EIF5: variants seen among roughly 807,000 people sequenced by gnomAD.
EIF5 encodes the protein eukaryotic translation initiation factor 5.
Under a neutral mutation model 48.3 loss-of-function variants are expected in EIF5, and 10 were observed. The observed-to-expected ratio is 0.21, with a 90% CI of 0.13 to 0.35. EIF5 has a LOEUF of 0.35. Ranked by LOEUF, EIF5 falls within the 10% of genes least tolerant of loss-of-function variation. EIF5 has a pLI of 1.00. For missense variants in EIF5, 397 were observed against 533.2 expected (o/e 0.74, Z 2.51); for synonymous variants, 237 against 173.1 (o/e 1.37, Z -2.90).
rs1450962668 is a variant in EIF5, at chr14:103,339,775, A to AAGAGGTCATC, written c.1045_1054dup (p.Ile352ArgfsTer12). ...ATGTACGATGCAGACCTTTTAGAAG[A>AAGAGGTCATC]AGAGGTCATCATCAGCTGGTCGGAA... On this transcript the variant is annotated frameshift_variant, in exon 10 of 12. Transcript: ENST00000216554. LOFTEE classifies it high-confidence loss of function. The AAGAGGTCATC allele has an allele frequency of 6.2e-7, 1 of 1,614,068 alleles. No individual in the cohort carries two copies. The highest frequency in any genetic ancestry group is 1.3e-5 in the African/African-American group (1 of 74,934).
chr14:103,342,618 G>A lies in EIF5; in HGVS notation c.*1566G>A, dbSNP rs1595366838. The A allele has an allele frequency of 6.6e-6, 1 of 152,664 alleles. No homozygotes were observed. Among genetic ancestry groups the A allele is most frequent in the East Asian group, 1.9e-4 (1 of 5,188 alleles). The allele number at this position is 152,664 out of a possible 1,614,324, so 9.5% of individuals were successfully genotyped here. ...CATTGAAATGATAGAAACATTTGAT[G>A]TAATAAAACTTGGTTGGCTTGATAT... On this transcript the variant is annotated 3_prime_UTR_variant, in exon 12 of 12. Transcript: ENST00000216554.
At chr14:103,338,294 G>C (rs776223420) in intron 6 of EIF5, 33 bp from the exon 7 acceptor site, 3 of 1,605,252 alleles carry the variant, frequency 1.9e-6, no homozygotes, top group Non-Finnish European at 2.6e-6. Context: ...GTAAGTTATG[G>C]GGTTAAATTT....
intron 11 of EIF5, 23 bp from the exon 12 acceptor site, chr14:103,340,940 A>G (rs1395980304): frequency 6.2e-7 from 1 of 1,607,620 alleles, no homozygotes; most frequent in South Asian, 1.1e-5. Context: ...GCTTATGTTG[A>G]ATAAAATCAT....
At chr14:103,338,689 G>C in intron 7 of EIF5, 46 bp from the exon 8 acceptor site, 1 of 1,586,848 alleles carries the variant, frequency 6.3e-7, no homozygotes, top group Non-Finnish European at 8.6e-7. Context: ...CCTTTTTGTT[G>C]TTGTTTTTAA....
intron 9 of EIF5, 131 bp from the exon 10 acceptor site, chr14:103,339,508 T>A: frequency 2.1e-6 from 3 of 1,436,820 alleles, no homozygotes; most frequent in Non-Finnish European, 2.9e-6. Flanking sequence ...GTAACAGGGA[T>A]GTTTATGCAT....
intron 6 of EIF5, 144 bp from the exon 7 acceptor site, chr14:103,338,183 G>A (rs2089311959): frequency 6.2e-6 from 7 of 1,124,378 alleles, no homozygotes; most frequent in Non-Finnish European, 9.0e-6. Context: ...GATCTGTGAA[G>A]CCTCTTAGGT....
Position 103,343,106 on chromosome 14 carries a change from A to T in EIF5, c.*2054A>T, listed in dbSNP as rs1478674371. On this transcript the variant is annotated 3_prime_UTR_variant, in exon 12 of 12. Coordinates refer to ENST00000216554, the MANE Select transcript of EIF5 (RefSeq NM_001969.5). Reference sequence around the variant, plus strand: ...ATAGAGTAATTCTTCACTTTGCTCTATTGAACTGTCTTAAGGATTTGTTTA... The same window carrying T: ...ATAGAGTAATTCTTCACTTTGCTCTTTTGAACTGTCTTAAGGATTTGTTTA... 6.6e-6 allele frequency: 1 copy of T among 152,618 alleles called. No homozygotes were observed. Among genetic ancestry groups the T allele is most frequent in the Non-Finnish European group, 1.5e-5 (1 of 68,002 alleles). 9.5% of individuals were successfully genotyped at this position (152,618 alleles called of 1,614,324 possible).
chr14:103,341,105 TATC>T lies in EIF5; in HGVS notation c.*55_*57del, dbSNP rs1406165818. The T allele has an allele frequency of 3.8e-6, 6 of 1,559,364 alleles. No homozygotes were observed. Among genetic ancestry groups the T allele is most frequent in the Non-Finnish European group, 4.4e-6 (5 of 1,131,518 alleles). ...TATAATGCTGCAAATTTTCCTCCAT[TATC>T]AGCCAGAAGTGCAACATGTATGTGC... On this transcript the variant is annotated 3_prime_UTR_variant, in exon 12 of 12. Transcript: ENST00000216554.
In EIF5 at chr14:103,334,432, C is replaced by T. The variant is rs1458494128; in HGVS notation, c.-374C>T. 2 of 152,616 alleles carry T rather than the reference C, an allele frequency of 1.3e-5. No individual in the cohort carries two copies. Among genetic ancestry groups the T allele is most frequent in the Non-Finnish European group, 2.9e-5 (2 of 68,136 alleles). The allele number at this position is 152,616 out of a possible 1,614,324, so 9.5% of individuals were successfully genotyped here. On this transcript the variant is annotated 5_prime_UTR_variant, in exon 2 of 12. Coordinates refer to ENST00000216554, the MANE Select transcript of EIF5 (RefSeq NM_001969.5). Reference sequence around the variant, plus strand: ...TGACGGGTGTGGACCGCGGACGTCGCTGGGACAGCCCCTCCCCGCTGCTCG... The same window carrying T: ...TGACGGGTGTGGACCGCGGACGTCGTTGGGACAGCCCCTCCCCGCTGCTCG...
At position 103,342,160 on chromosome 14, in the gene EIF5, AT is replaced by A; in HGVS notation, c.*1109del. The stretch of plus-strand genomic sequence containing the variant: ...CTTTTTCTTTTTTTTTTCTTCCAGA[AT>A]GTCTTATTTAAAAAGAAAGCTAAAA... On this transcript the variant is annotated 3_prime_UTR_variant, in exon 12 of 12. Coordinates refer to ENST00000216554, the MANE Select transcript of EIF5 (RefSeq NM_001969.5). 1 of 152,320 alleles carries A rather than the reference AT, an allele frequency of 6.6e-6. No individual in the cohort carries two copies. Among genetic ancestry groups the A allele is most frequent in the East Asian group, 1.9e-4 (1 of 5,202 alleles). 9.4% of individuals were successfully genotyped at this position (152,320 alleles called of 1,614,324 possible).
rs760458639 is a variant in EIF5, at chr14:103,338,887, T to C, written c.738T>C (p.Phe246=). Residue 246 remains phenylalanine, a synonymous_variant, in exon 8 of 12, where the codon TTT becomes TTC. Coordinates refer to ENST00000216554, the MANE Select transcript of EIF5 (RefSeq NM_001969.5). ...AGAGGGTCAATATCCTCTTTGATTT[T>C]GTTAAGGTAAAACATTTGCTTGGTC... The part of the protein sequence containing the change: ...IEERVNILFD[F]VKKKKEEGVI... The C allele has an allele frequency of 3.1e-6, 5 of 1,613,562 alleles. No individual in the cohort carries two copies. Among genetic ancestry groups the C allele is most frequent in the African/African-American group, 1.3e-5 (1 of 75,040 alleles).
rs1052466241 is a variant in EIF5, at chr14:103,342,950, A to G, written c.*1898A>G. ...TTCTATTATAAAGGTTCTACTTTTA[A>G]TCTGAGGGAAAACATGTTCAGGGCT... is the stretch of plus-strand genomic sequence containing the variant. On this transcript the variant is annotated 3_prime_UTR_variant, in exon 12 of 12. Transcript: ENST00000216554. The G allele has an allele frequency of 2.0e-5, 3 of 152,650 alleles. No homozygotes were observed. Among genetic ancestry groups the G allele is most frequent in the Admixed American group, 1.3e-4 (2 of 15,280 alleles). 9.5% of individuals were successfully genotyped at this position (152,650 alleles called of 1,614,324 possible).
rs185386505 is a variant in EIF5 at position 103,337,376 on chromosome 14, G to A, written c.439+149G>A. On this transcript the variant is annotated intron_variant, in intron 6 of 11. Coordinates refer to ENST00000216554, the MANE Select transcript of EIF5 (RefSeq NM_001969.5). The stretch of plus-strand genomic sequence containing the variant: ...TCCCCGCATTTTGGGAGGCCAGGGC[G>A]GGCACATCACTTGAGGCCAGGAGTT... 3.6e-5 allele frequency: 23 copies of A among 645,526 alleles called. No individual in the cohort carries two copies. The Admixed American group carries it at 3.8e-4, about 11-fold the overall frequency. 40.0% of individuals were successfully genotyped at this position (645,526 alleles called of 1,614,324 possible).
At chr14:103,337,466 G>T in intron 6 of EIF5, 1 of 489,470 alleles carries the variant, frequency 2.0e-6, no homozygotes, top group South Asian at 2.7e-5. Flanking sequence ...GCTTAGCATG[G>T]TGGTGTGCTC....
In EIF5 at chr14:103,336,693, T is replaced by C. The variant is rs1328308795; in HGVS notation, c.171T>C (p.Phe57=). ...TTCAAATAGATCCCACCAAATATTT[T>C]GGTTGTGAGCTGGGAGCACAGACCC... ...NRPPTYPTKY[F]GCELGAQTQF... is the part of the protein sequence containing the mutation. Residue 57 remains phenylalanine, a synonymous_variant, in exon 5 of 12, where the codon TTT becomes TTC. Transcript: ENST00000216554. 6.2e-7 allele frequency: 1 copy of C among 1,608,880 alleles called. No individual in the cohort carries two copies. Among genetic ancestry groups the C allele is most frequent in the Non-Finnish European group, 8.5e-7 (1 of 1,178,582 alleles).
rs1355254114 is a variant in EIF5 at position 103,337,235 on chromosome 14, T to C, written c.439+8T>C. Reference sequence around the variant, plus strand: ...TTCTCAAAAACCCACCTGGTGAGTCTTCCATGATGAACTCCTAAGATCCTA... The same window carrying C: ...TTCTCAAAAACCCACCTGGTGAGTCCTCCATGATGAACTCCTAAGATCCTA... On this transcript the variant is annotated splice_region_variant and intron_variant, in intron 6 of 11. Transcript: ENST00000216554. 1.3e-6 allele frequency: 2 copies of C among 1,598,474 alleles called. No individual in the cohort carries two copies. Among genetic ancestry groups the C allele is most frequent in the Admixed American group, 3.5e-5 (2 of 56,766 alleles).
At chr14:103,339,839 G>A in intron 10 of EIF5, 36 bp downstream of exon 10, 1 of 1,581,526 alleles carries the variant, frequency 6.3e-7, no homozygotes, top group East Asian at 2.2e-5. Context: ...AAAGTTCACA[G>A]GTTTTGGGGG....
rs752748168 is a variant in EIF5 at position 103,338,951 on chromosome 14, G to A, written c.744+58G>A. On this transcript the variant is annotated intron_variant, in intron 8 of 11. Transcript: ENST00000216554. The stretch of plus-strand genomic sequence containing the variant: ...CAACCCAGCCTTGTTTGTGCCTTTA[G>A]ATATATGATACTTTAGCAGTGTAAT... The A allele has an allele frequency of 9.9e-5, 156 of 1,579,416 alleles. 1 individual carries two copies. Among genetic ancestry groups the A allele is most frequent in the Middle Eastern group, 1.7e-4 (1 of 5,920 alleles).
chr14:103,340,247 A>G (rs780748281), intron 10 of EIF5, among the ~76,000 whole-genome samples, 180 bp from the exon 11 acceptor site: 4 of 152,224 alleles, frequency 2.6e-5, no homozygotes, highest in Admixed American at 2.6e-4. Flanking sequence ...GATTCGCATC[A>G]TGTCAGATTT....
Sources: allele counts gnomAD v4.1 joint callset (sites outside exome capture counted in the v4.1 genomes callset), GRCh38; gene constraint gnomAD v4.1.1; transcripts MANE v1.5; gene names NCBI Gene and HGNC (gene_info 2026-07-23, HGNC 2026-07-21).